PSKH1: variants seen among roughly 807,000 people sequenced by gnomAD.
PSKH1 encodes protein serine kinase H1.
PSKH1 carries 12 observed loss-of-function variants against 26.7 expected under a neutral mutation model. The observed-to-expected ratio is 0.45, with a 90% CI of 0.29 to 0.73. The LOEUF (loss-of-function observed/expected upper bound fraction) is 0.73, where lower values mean the gene tolerates loss of function less well. PSKH1 is among the 30% of genes least tolerant of loss of function. The pLI, the probability that PSKH1 is intolerant of heterozygous loss-of-function variation, is 0.11. For missense variants in PSKH1, 431 were observed against 595.2 expected (o/e 0.72, Z 2.87); for synonymous variants, 213 against 234.3 (o/e 0.91, Z 0.83).
At chr16:67,914,153 A>ATT (rs937835400) in intron 2 of PSKH1, among the ~76,000 whole-genome samples, 1 of 146,870 alleles carries the variant, frequency 6.8e-6, no homozygotes, top group South Asian at 2.1e-4. Flanking sequence ...CTGAAACTGA[A>ATT]TTTTTTTTTT....
intron 2 of PSKH1, among the ~76,000 whole-genome samples, chr16:67,916,849 T>G (rs552013922): frequency 6.6e-6 from 1 of 152,128 alleles, no homozygotes; most frequent in Non-Finnish European, 1.5e-5. Flanking sequence ...TGGGCAGACT[T>G]GGAGAGGATT....
chr16:67,900,971 C>T (rs1334176736), intron 1 of PSKH1, among the ~76,000 whole-genome samples: 1 of 152,088 alleles, frequency 6.6e-6, no homozygotes, highest in Non-Finnish European at 1.5e-5. Context: ...GGAGCTTTAC[C>T]AGCCACCTCC....
chr16:67,905,016 C>T (rs752303662), intron 1 of PSKH1, among the ~76,000 whole-genome samples: 5 of 151,462 alleles, frequency 3.3e-5, no homozygotes, highest in Admixed American at 2.0e-4. Flanking sequence ...TTAGTGGAGA[C>T]GGGGTTTCAC....
intron 1 of PSKH1, among the ~76,000 whole-genome samples, chr16:67,903,569 G>A (rs1316499620): frequency 1.3e-5 from 2 of 151,676 alleles, no homozygotes; most frequent in African/African-American, 4.9e-5. Flanking sequence ...CCAGGTTTAA[G>A]CGATTCTCCT....
At chr16:67,912,199 T>A (rs2058175303) in intron 2 of PSKH1, among the ~76,000 whole-genome samples, 1 of 152,220 alleles carries the variant, frequency 6.6e-6, no homozygotes, top group African/African-American at 2.4e-5. Flanking sequence ...ATACTGGTAC[T>A]GAATGAGAGC....
chr16:67,923,940 G>T (rs1474126926), intron 2 of PSKH1, among the ~76,000 whole-genome samples: 4 of 152,232 alleles, frequency 2.6e-5, no homozygotes, highest in Non-Finnish European at 5.9e-5. Flanking sequence ...AGGAGGTGCT[G>T]AGTTGATGTG....
chr16:67,922,233 A>G (rs754315948), intron 2 of PSKH1, among the ~76,000 whole-genome samples: 1 of 152,178 alleles, frequency 6.6e-6, no homozygotes, highest in Non-Finnish European at 1.5e-5. Flanking sequence ...CGTGGGCAGC[A>G]TGACAGGGTG....
At chr16:67,914,850 G>C (rs1458878192) in intron 2 of PSKH1, among the ~76,000 whole-genome samples, 3 of 152,208 alleles carry the variant, frequency 2.0e-5, no homozygotes, top group Admixed American at 6.5e-5. Context: ...TGAGGGTCCA[G>C]CTGGCAGAGG....
At chr16:67,908,365 G>A (rs1598189029) in intron 1 of PSKH1, among the ~76,000 whole-genome samples, 2 of 152,208 alleles carry the variant, frequency 1.3e-5, no homozygotes. Flanking sequence ...CGCCTCCTGG[G>A]TTCAATCGAT....
Position 67,905,045 on chromosome 16 carries a change from C to G in PSKH1, c.-70-3635C>G, listed in dbSNP as rs530847542. On this transcript the variant is annotated intron_variant, in intron 1 of 2. Coordinates refer to ENST00000291041, the MANE Select transcript of PSKH1 (RefSeq NM_006742.3). ...GTTTCACTGTGTTAGCCAGGATGGTCTCGATCTCCTGACCTCATGATCCAC... is the reference window on the plus strand; with the variant it reads ...GTTTCACTGTGTTAGCCAGGATGGTGTCGATCTCCTGACCTCATGATCCAC... 8.8e-4 allele frequency among the ~76,000 whole-genome samples: 134 copies of G among 151,856 alleles called. 3 individuals are homozygous for G. In the South Asian group the frequency reaches 0.025, roughly 29 times the overall value.
chr16:67,914,823 G>T (rs2058182656), intron 2 of PSKH1, among the ~76,000 whole-genome samples: 1 of 152,166 alleles, frequency 6.6e-6, no homozygotes, highest in African/African-American at 2.4e-5. Flanking sequence ...TGGGAGCACT[G>T]CATGGTGCCA....
intron 2 of PSKH1, among the ~76,000 whole-genome samples, chr16:67,924,734 C>T (rs2058211629): frequency 6.6e-6 from 1 of 152,216 alleles, no homozygotes; most frequent in Non-Finnish European, 1.5e-5. Context: ...CTGCAGCCTG[C>T]TTCCTAGTGA....
At chr16:67,924,776 A>C (rs1033487937) in intron 2 of PSKH1, among the ~76,000 whole-genome samples, 1 of 152,118 alleles carries the variant, frequency 6.6e-6, no homozygotes, top group Admixed American at 6.5e-5. Flanking sequence ...GTAGAAGGCC[A>C]GCAGGCAGCA....
At chr16:67,913,717 C>T (rs1056985782) in intron 2 of PSKH1, among the ~76,000 whole-genome samples, 16 of 152,172 alleles carry the variant, frequency 1.1e-4, no homozygotes, top group African/African-American at 3.9e-4. Context: ...TTCTCAGACT[C>T]CTGATGTTCA....
rs548035373 is a variant in PSKH1 at position 67,908,313 on chromosome 16, A to G, written c.-70-367A>G. Among the ~76,000 whole-genome samples, 25 of 152,306 alleles carry G rather than the reference A, an allele frequency of 1.6e-4. No individual in the cohort carries two copies. The South Asian group carries it at 5.0e-3, about 30-fold the overall frequency. ...GAGACAGAGTCTTACTCTGTCACCC[A>G]GGCTGGAGTGCAGTGGTGCAATCTC... On this transcript the variant is annotated intron_variant, in intron 1 of 2. Coordinates refer to ENST00000291041, the MANE Select transcript of PSKH1 (RefSeq NM_006742.3).
intron 2 of PSKH1, among the ~76,000 whole-genome samples, chr16:67,923,270 G>T (rs1238510741): frequency 6.6e-6 from 1 of 152,150 alleles, no homozygotes; most frequent in Non-Finnish European, 1.5e-5. Flanking sequence ...CCAACATCAG[G>T]AGCAGGTACC....
chr16:67,908,591 TGA>T, intron 1 of PSKH1, 87 bp from the exon 2 acceptor site: 1 of 622,368 alleles, frequency 1.6e-6, no homozygotes, highest in Non-Finnish European at 2.7e-6. Flanking sequence ...TTAATGAGAC[TGA>T]GTTTCTGGAG....
Position 67,927,656 on chromosome 16 carries a change from G to A in PSKH1, c.*14G>A. 1 of 1,590,058 alleles carries A rather than the reference G, an allele frequency of 6.3e-7. No individual in the cohort carries two copies. The highest frequency in any genetic ancestry group is 8.5e-7 in the Non-Finnish European group (1 of 1,172,562). On this transcript the variant is annotated 3_prime_UTR_variant, in exon 3 of 3. Transcript: ENST00000291041. This position sits in a 1 kb window ranked among gnomAD's most constrained non-coding sequence, Gnocchi z 5.5. ...TACAATGGCTGAGCCGCCTGGCTGT[G>A]CACACATGCAGCACGACCCAGCCTG...
intron 1 of PSKH1, among the ~76,000 whole-genome samples, chr16:67,898,453 T>C (rs915416538): frequency 6.6e-6 from 1 of 151,906 alleles, no homozygotes; most frequent in African/African-American, 2.4e-5. Flanking sequence ...GGTCTTGTTA[T>C]GTTGCCCAGC....
Sources: allele counts gnomAD v4.1 joint callset (sites outside exome capture counted in the v4.1 genomes callset), GRCh38; gene constraint gnomAD v4.1.1; non-coding constraint Gnocchi (gnomAD v3.1); transcripts MANE v1.5; gene names NCBI Gene and HGNC (gene_info 2026-07-23, HGNC 2026-07-21).